Variants in KIF27 observed in about 807,000 individuals in gnomAD.
KIF27 encodes kinesin-like protein KIF27.
Under a neutral mutation model 141.8 loss-of-function variants are expected in KIF27, and 84 were observed. The ratio of observed to expected loss-of-function variants is 0.59; its 90% confidence interval spans 0.50 to 0.71. KIF27 has a LOEUF of 0.71. Ranked by LOEUF, KIF27 falls within the 30% of genes least tolerant of loss-of-function variation. The pLI is 0.00. For synonymous variants in KIF27, 471 were observed against 569.5 expected, an observed-to-expected ratio of 0.83 and a Z score of 2.46; for missense variants, 1,306 against 1,628.4, an observed-to-expected ratio of 0.80 and a Z score of 3.41.
chr9:83,858,061 T>C (rs150396736), intron 14 of KIF27, among the ~76,000 whole-genome samples: 2,631 of 151,534 alleles, frequency 0.017, 92 homozygotes, highest in African/African-American at 0.061. Flanking sequence ...TTCTGCTGTA[T>C]CTTAGGCTCT....
At chr9:83,902,966 G>A (rs565153874) in intron 4 of KIF27, 94 bp downstream of exon 4, 5 of 684,672 alleles carry the variant, frequency 7.3e-6, no homozygotes, top group Middle Eastern at 4.0e-4. Flanking sequence ...CCATAACAAT[G>A]TCTAAATATG....
At chr9:83,861,449 A>G (rs374199715) in intron 13 of KIF27, among the ~76,000 whole-genome samples, 1 of 151,728 alleles carries the variant, frequency 6.6e-6, no homozygotes, top group Non-Finnish European at 1.5e-5. Flanking sequence ...TTGTCCTTGC[A>G]ATAGTTTGCT....
intron 17 of KIF27, among the ~76,000 whole-genome samples, chr9:83,839,691 G>C (rs1481404815): frequency 6.6e-6 from 1 of 152,194 alleles, no homozygotes; most frequent in Non-Finnish European, 1.5e-5. Flanking sequence ...GGTGGCTCAC[G>C]CCTGTAATTC....
rs1238939275 is a variant in KIF27 at position 83,903,116 on chromosome 9, C to T, written c.1402G>A (p.Glu468Lys). 20 of 1,614,054 alleles carry T rather than the reference C, an allele frequency of 1.2e-5. No homozygotes were observed. The highest frequency in any genetic ancestry group is 1.6e-4 in the Middle Eastern group (1 of 6,084). ...RGIGGTASLEEGPQHVTVLQL... is the reference protein window; with the variant it reads ...RGIGGTASLEKGPQHVTVLQL... ...AGAACTGTAACATGCTGTGGTCCTTCTTCCAGACTTGCAGTGCCTCCGATT... is the reference window on the plus strand; with the variant it reads ...AGAACTGTAACATGCTGTGGTCCTTTTTCCAGACTTGCAGTGCCTCCGATT... Residue 468 changes from glutamate to lysine, a missense_variant, in exon 4 of 18, where the codon GAA becomes AAA. By Grantham distance (56) the Glu-to-Lys change is moderately conservative. Coordinates refer to ENST00000297814, the MANE Select transcript of KIF27 (RefSeq NM_017576.4).
chr9:83,862,905 G>C (rs1950057765), intron 13 of KIF27, among the ~76,000 whole-genome samples: 1 of 152,084 alleles, frequency 6.6e-6, no homozygotes, highest in Admixed American at 6.6e-5. Flanking sequence ...CTGGTAAGTT[G>C]GATTCCTAGG....
At chr9:83,890,792 AT>A (rs1952602209) in intron 6 of KIF27, among the ~76,000 whole-genome samples, 1 of 152,214 alleles carries the variant, frequency 6.6e-6, no homozygotes, top group Middle Eastern at 3.2e-3. Flanking sequence ...CATAATAGAG[AT>A]TCTTTGATAA....
intron 11 of KIF27, among the ~76,000 whole-genome samples, chr9:83,874,058 A>G (rs569799644): frequency 4.0e-5 from 6 of 151,898 alleles, no homozygotes; most frequent in Non-Finnish European, 7.4e-5. Flanking sequence ...TGTCAAAAAA[A>G]AAAAGGACAC....
chr9:83,914,032 G>A (rs1408798263), intron 2 of KIF27, among the ~76,000 whole-genome samples: 1 of 151,632 alleles, frequency 6.6e-6, no homozygotes, highest in Non-Finnish European at 1.5e-5. Flanking sequence ...ATTAAAATAT[G>A]TTAGGACAAT....
chr9:83,842,561 G>C (rs1282470623), intron 16 of KIF27, among the ~76,000 whole-genome samples, 160 bp from the exon 17 acceptor site: 3 of 152,098 alleles, frequency 2.0e-5, no homozygotes, highest in African/African-American at 7.2e-5. Context: ...CGCCTCCCAG[G>C]TTCACACCAT....
chr9:83,842,675 C>A (rs1235216974), intron 16 of KIF27, among the ~76,000 whole-genome samples: 1 of 152,080 alleles, frequency 6.6e-6, no homozygotes, highest in Non-Finnish European at 1.5e-5. Flanking sequence ...ATCATGTTAG[C>A]CAGGATGGTC....
intron 2 of KIF27, among the ~76,000 whole-genome samples, chr9:83,914,031 T>C (rs1205774571): frequency 6.6e-6 from 1 of 151,970 alleles, no homozygotes; most frequent in Non-Finnish European, 1.5e-5. Context: ...AATTAAAATA[T>C]GTTAGGACAA....
chr9:83,856,441 T>C (rs1158183979), intron 14 of KIF27, among the ~76,000 whole-genome samples: 1 of 151,742 alleles, frequency 6.6e-6, no homozygotes, highest in Non-Finnish European at 1.5e-5. Flanking sequence ...ACCTCATCTC[T>C]ACTAAAAATA....
intron 5 of KIF27, among the ~76,000 whole-genome samples, chr9:83,891,797 T>G (rs1164920002): frequency 6.6e-6 from 1 of 152,210 alleles, no homozygotes; most frequent in Non-Finnish European, 1.5e-5. Context: ...AGCACTTTGA[T>G]TAGCTATCTT....
At chr9:83,860,863 C>T (rs1232597714) in intron 13 of KIF27, among the ~76,000 whole-genome samples, 1 of 150,782 alleles carries the variant, frequency 6.6e-6, no homozygotes, top group Non-Finnish European at 1.5e-5. Context: ...AGTAGTTTCC[C>T]TGGATAGGCT....
Position 83,835,334 on chromosome 9 carries a change from T to A in KIF27, c.*1667A>T, listed in dbSNP as rs748983953. 9.9e-5 allele frequency among the ~76,000 whole-genome samples: 15 copies of A among 152,020 alleles called. No individual in the cohort carries two copies. The highest frequency in any genetic ancestry group is 3.4e-3 in the Middle Eastern group (1 of 294). On this transcript the variant is annotated 3_prime_UTR_variant, in exon 18 of 18. Coordinates refer to ENST00000297814, the MANE Select transcript of KIF27 (RefSeq NM_017576.4). Reference sequence around the variant, plus strand: ...ACTAGCTGGAAACCAGAATCTGACTTCAAACAGTTCCTGGTAAAAATAAAA... The same window carrying A: ...ACTAGCTGGAAACCAGAATCTGACTACAAACAGTTCCTGGTAAAAATAAAA...
At position 83,915,483 on chromosome 9, in the gene KIF27, C is replaced by T; in HGVS notation, c.109G>A (p.Val37Ile). The T allele has an allele frequency of 6.2e-7, 1 of 1,613,834 alleles. No individual in the cohort carries two copies. The highest frequency in any genetic ancestry group is 8.5e-7 in the Non-Finnish European group (1 of 1,179,822). ...AAGACTCTATCTCTCCCAATGATAA[C>T]TTGCTGGCTGTTTGGAATAACTCTC... ...CVRVIPNSQQ[V>I]IIGRDRVFTF... Residue 37 changes from valine to isoleucine, a missense_variant, in exon 2 of 18, where the codon GTT becomes ATT. Val to Ile is a conservative substitution (Grantham distance 29, BLOSUM62 3). Transcript: ENST00000297814.
chr9:83,901,602 C>T (rs1296224855), intron 4 of KIF27, among the ~76,000 whole-genome samples: 2 of 152,090 alleles, frequency 1.3e-5, no homozygotes, highest in East Asian at 1.9e-4. Context: ...TGGCCGGGTG[C>T]GGTGGCTCAT....
chr9:83,916,509 A>G (rs1955695741), intron 1 of KIF27, among the ~76,000 whole-genome samples: 2 of 152,200 alleles, frequency 1.3e-5, no homozygotes, highest in South Asian at 4.1e-4. Context: ...AAACTAACAG[A>G]AAAACTGCTT....
At chr9:83,921,219 C>A (rs921056172) in intron 1 of KIF27, among the ~76,000 whole-genome samples, 152 bp downstream of exon 1, 4 of 152,066 alleles carry the variant, frequency 2.6e-5, no homozygotes, top group African/African-American at 7.2e-5. Context: ...GCTACCCACC[C>A]GCGGCGGCCC....
Sources: gnomAD v4.1 joint callset for allele counts (sites outside exome capture counted in the v4.1 genomes callset) on GRCh38, gnomAD v4.1.1 for gene constraint, MANE v1.5 for transcripts, NCBI Gene and HGNC (gene_info 2026-07-23, HGNC 2026-07-21) for gene names.